Variants in MECOM observed in about 807,000 individuals in gnomAD.
MECOM encodes the protein histone-lysine N-methyltransferase MECOM.
Under a neutral mutation model 116.3 loss-of-function variants are expected in MECOM, and 13 were observed. That is an observed-to-expected ratio of 0.11 (90% CI 0.07 to 0.18). The LOEUF (loss-of-function observed/expected upper bound fraction) is 0.18, where lower values mean the gene tolerates loss of function less well. Ranked by LOEUF, MECOM falls within the 10% of genes least tolerant of loss-of-function variation. The probability of loss-of-function intolerance (pLI) is 1.00; values close to 1 mark genes in which losing one functional copy is unlikely to be tolerated. For missense variants in MECOM, 1,299 were observed against 1,509.0 expected, an observed-to-expected ratio of 0.86 and a Z score of 2.31; for synonymous variants, 528 against 535.2, an observed-to-expected ratio of 0.99 and a Z score of 0.19.
At chr3:169,327,975 C>T (rs1482239122) in intron 2 of MECOM, among the ~76,000 whole-genome samples, 1 of 152,158 alleles carries the variant, frequency 6.6e-6, no homozygotes, top group African/African-American at 2.4e-5. Flanking sequence ...TTCTCTACTT[C>T]CTGAATCAAA....
chr3:169,209,721 T>C (rs1750454458), intron 2 of MECOM, among the ~76,000 whole-genome samples: 1 of 152,208 alleles, frequency 6.6e-6, no homozygotes, highest in Admixed American at 6.5e-5. Context: ...CTGGTGAGGC[T>C]GTGGGGCAAT....
At chr3:169,376,737 A>T (rs573752868) in intron 2 of MECOM, among the ~76,000 whole-genome samples, 1 of 152,344 alleles carries the variant, frequency 6.6e-6, no homozygotes, top group Admixed American at 6.5e-5. Context: ...CAATATCATG[A>T]AATTGGCCAT....
At chr3:169,212,631 G>A (rs1750875391) in intron 2 of MECOM, among the ~76,000 whole-genome samples, 1 of 81,572 alleles carries the variant, frequency 1.2e-5, no homozygotes, top group Non-Finnish European at 2.3e-5. Context: ...CTTCTAGTCA[G>A]CAATGTATAT....
intron 2 of MECOM, among the ~76,000 whole-genome samples, chr3:169,210,821 T>C (rs1165201511): frequency 6.6e-6 from 1 of 152,148 alleles, no homozygotes; most frequent in Non-Finnish European, 1.5e-5. Context: ...TTAATTTTCC[T>C]CTATTAATCA....
chr3:169,235,066 A>T (rs1342337538), intron 2 of MECOM, among the ~76,000 whole-genome samples: 1 of 152,236 alleles, frequency 6.6e-6, no homozygotes, highest in Non-Finnish European at 1.5e-5. Flanking sequence ...AAAAATAAAC[A>T]CTTCTTTTGG....
chr3:169,513,439 C>T (rs530366640), intron 1 of MECOM, among the ~76,000 whole-genome samples: 1 of 152,334 alleles, frequency 6.6e-6, no homozygotes, highest in African/African-American at 2.4e-5. Context: ...TGATGAGCTG[C>T]ATAGTTCAGA....
At chr3:169,329,512 G>A (rs138158938) in intron 2 of MECOM, among the ~76,000 whole-genome samples, 4 of 152,248 alleles carry the variant, frequency 2.6e-5, no homozygotes, top group African/African-American at 7.2e-5. Flanking sequence ...CTTTTCTAAG[G>A]CACTAAGACG....
At chr3:169,286,407 C>G (rs1713326268) in intron 2 of MECOM, among the ~76,000 whole-genome samples, 1 of 152,190 alleles carries the variant, frequency 6.6e-6, no homozygotes, top group Non-Finnish European at 1.5e-5. Flanking sequence ...CAAAACTTAT[C>G]CTCGATGCAG....
intron 1 of MECOM, among the ~76,000 whole-genome samples, chr3:169,650,314 T>A (rs530412429): frequency 1.6e-4 from 25 of 152,304 alleles, no homozygotes; most frequent in African/African-American, 6.0e-4. Context: ...AAAGTTTTGG[T>A]GGGTCTAGTA....
At chr3:169,405,076 G>A (rs1736482619) in intron 1 of MECOM, among the ~76,000 whole-genome samples, 1 of 152,174 alleles carries the variant, frequency 6.6e-6, no homozygotes, top group Non-Finnish European at 1.5e-5. Flanking sequence ...TTCTCCCAGG[G>A]GAAGATAACA....
intron 2 of MECOM, among the ~76,000 whole-genome samples, chr3:169,240,696 G>A (rs1318926864): frequency 6.6e-6 from 1 of 152,140 alleles, no homozygotes; most frequent in East Asian, 1.9e-4. Context: ...ATAAAGTCAT[G>A]AAATGGGACA....
intron 2 of MECOM, among the ~76,000 whole-genome samples, chr3:169,367,477 T>C (rs751382185): frequency 6.6e-6 from 1 of 151,838 alleles, no homozygotes; most frequent in Non-Finnish European, 1.5e-5. Context: ...AGGTATCAAA[T>C]ACAGTACTGG....
At chr3:169,451,998 C>T (rs1435803835) in intron 1 of MECOM, among the ~76,000 whole-genome samples, 2 of 151,684 alleles carry the variant, frequency 1.3e-5, no homozygotes, top group Non-Finnish European at 2.9e-5. Flanking sequence ...CAAATAATTC[C>T]TCTTCTCAAA....
chr3:169,653,202 A>C (rs972384441), intron 1 of MECOM, among the ~76,000 whole-genome samples: 2 of 152,196 alleles, frequency 1.3e-5, no homozygotes, highest in Non-Finnish European at 2.9e-5. Flanking sequence ...TTAACTGCAC[A>C]GGTTTTACAG....
chr3:169,455,207 G>T (rs1192567217), intron 1 of MECOM, among the ~76,000 whole-genome samples: 2 of 152,122 alleles, frequency 1.3e-5, no homozygotes. Context: ...TGATAGATAG[G>T]TATGGATCTG....
intron 2 of MECOM, among the ~76,000 whole-genome samples, chr3:169,320,436 T>C (rs1720647046): frequency 6.6e-6 from 1 of 152,104 alleles, no homozygotes; most frequent in Admixed American, 6.6e-5. Flanking sequence ...GGAGGAAGGA[T>C]AAAGAGGGAT....
At chr3:169,330,025 G>C (rs1487077630) in intron 2 of MECOM, among the ~76,000 whole-genome samples, 1 of 152,092 alleles carries the variant, frequency 6.6e-6, no homozygotes, top group East Asian at 1.9e-4. Context: ...GGATGGGTAG[G>C]TGGATTTTTA....
intron 2 of MECOM, among the ~76,000 whole-genome samples, chr3:169,310,896 T>C (rs571079273): frequency 3.9e-5 from 6 of 152,350 alleles, no homozygotes; most frequent in Non-Finnish European, 8.8e-5. Flanking sequence ...TTACATGACC[T>C]GCAGCCTCTA....
At chr3:169,639,941 C>T (rs948587811) in intron 1 of MECOM, among the ~76,000 whole-genome samples, 7 of 152,170 alleles carry the variant, frequency 4.6e-5, no homozygotes, top group African/African-American at 1.7e-4. Context: ...CCATTCTGGG[C>T]CACCTGTGCC....
Sources: allele counts gnomAD v4.1 joint callset (sites outside exome capture counted in the v4.1 genomes callset), GRCh38; gene constraint gnomAD v4.1.1; transcripts MANE v1.5; gene names NCBI Gene and HGNC (gene_info 2026-07-23, HGNC 2026-07-21).